SYTL3: variants seen among roughly 807,000 people sequenced by gnomAD.
SYTL3 encodes synaptotagmin like 3.
A neutral mutation model predicts 82.1 loss-of-function variants in SYTL3; 88 were observed. The ratio of observed to expected loss-of-function variants is 1.07; its 90% confidence interval spans 0.90 to 1.28. The LOEUF (loss-of-function observed/expected upper bound fraction) is 1.28. Ranked by LOEUF, SYTL3 falls within the 50% of genes most tolerant of loss-of-function variation. The probability of loss-of-function intolerance (pLI) is 0.00; values close to 1 mark genes in which losing one functional copy is unlikely to be tolerated. For missense variants in SYTL3, 831 were observed against 757.6 expected, an observed-to-expected ratio of 1.10 and a Z score of -1.14; for synonymous variants, 311 against 289.4, an observed-to-expected ratio of 1.07 and a Z score of -0.76.
intron 11 of SYTL3, among the ~76,000 whole-genome samples, chr6:158,732,203 C>T (rs551556864): frequency 1.3e-5 from 2 of 152,252 alleles, no homozygotes; most frequent in East Asian, 1.9e-4. Context: ...TTTGTCAGTC[C>T]TTAAATCCAT....
intron 5 of SYTL3, among the ~76,000 whole-genome samples, chr6:158,675,620 C>T (rs1314436551): frequency 6.6e-6 from 1 of 152,048 alleles, no homozygotes; most frequent in Non-Finnish European, 1.5e-5. Context: ...TCGAGACCAG[C>T]CTGGCTGACA....
In SYTL3 at chr6:158,725,517, A is replaced by G; in HGVS notation, c.735A>G (p.Pro245=). ...TCCTTCTCCAGAAGGTCAGTGCACC[A>G]GATATTCTGAAACCTCTCAATCAAG... ...VNVTTRKVSA[P]DILKPLNQED... The change falls in exon 11 of 18, where the codon CCA becomes CCG. Residue 245 remains proline, a synonymous_variant. Transcript: ENST00000611299. 1 of 1,614,158 alleles carries G rather than the reference A, an allele frequency of 6.2e-7. No individual in the cohort carries two copies. Among genetic ancestry groups the G allele is most frequent in the Non-Finnish European group, 8.5e-7 (1 of 1,180,026 alleles).
intron 11 of SYTL3, among the ~76,000 whole-genome samples, chr6:158,734,547 G>A (rs1048996834): frequency 2.6e-5 from 4 of 152,096 alleles, no homozygotes; most frequent in Non-Finnish European, 5.9e-5. Flanking sequence ...CCCACCTCCA[G>A]GCATTTCTGT....
chr6:158,715,432 C>T (rs1783251872), intron 9 of SYTL3, among the ~76,000 whole-genome samples: 1 of 152,050 alleles, frequency 6.6e-6, no homozygotes, highest in Non-Finnish European at 1.5e-5. Flanking sequence ...GGTGGCCACC[C>T]CAGAGCCTGG....
At chr6:158,733,962 A>G (rs1158784699) in intron 11 of SYTL3, among the ~76,000 whole-genome samples, 5 of 151,590 alleles carry the variant, frequency 3.3e-5, no homozygotes, top group African/African-American at 7.3e-5. Context: ...GCCAGGCGTG[A>G]TGGCGGGCGC....
intron 9 of SYTL3, among the ~76,000 whole-genome samples, chr6:158,717,041 G>A (rs576343900): frequency 6.6e-6 from 1 of 152,244 alleles, no homozygotes; most frequent in African/African-American, 2.4e-5. Flanking sequence ...CAGCACTTTG[G>A]GAGGCCAAGG....
chr6:158,725,707 G>C, intron 11 of SYTL3, 70 bp downstream of exon 11: 1 of 1,558,426 alleles, frequency 6.4e-7, no homozygotes, highest in African/African-American at 1.4e-5. Flanking sequence ...TAATGTACAA[G>C]TCCTTATTTC....
intron 12 of SYTL3, among the ~76,000 whole-genome samples, chr6:158,749,777 C>CG (rs1340884444): frequency 6.6e-6 from 1 of 152,136 alleles, no homozygotes; most frequent in Non-Finnish European, 1.5e-5. Flanking sequence ...CATGAGCCAC[C>CG]ACACCTGGCT....
chr6:158,677,039 A>G (rs1778119230), intron 5 of SYTL3, among the ~76,000 whole-genome samples: 1 of 152,252 alleles, frequency 6.6e-6, no homozygotes, highest in Non-Finnish European at 1.5e-5. Context: ...CATTTGACCC[A>G]GCAATCCCAT....
intron 11 of SYTL3, among the ~76,000 whole-genome samples, chr6:158,733,159 G>A (rs779736874): frequency 7.2e-5 from 11 of 152,126 alleles, no homozygotes; most frequent in Non-Finnish European, 1.6e-4. Context: ...AGAGAAATAA[G>A]TACGTTCTGT....
intron 17 of SYTL3, 34 bp downstream of exon 17, chr6:158,763,543 CTT>C: frequency 6.4e-7 from 1 of 1,574,296 alleles, no homozygotes; most frequent in Non-Finnish European, 8.7e-7. Context: ...AACGTTTATA[CTT>C]TGTGATTATC....
chr6:158,657,428 A>G (rs1265640016), intron 2 of SYTL3, among the ~76,000 whole-genome samples: 2 of 118,392 alleles, frequency 1.7e-5, no homozygotes, highest in African/African-American at 5.6e-5. Flanking sequence ...TCTGGCTCAA[A>G]AAAAAAAAAA....
chr6:158,650,493 G>A (rs985115134), intron 1 of SYTL3, among the ~76,000 whole-genome samples: 10 of 151,840 alleles, frequency 6.6e-5, no homozygotes, highest in Admixed American at 1.3e-4. Context: ...GTAATTTCTC[G>A]TTTGGAGGTG....
intron 5 of SYTL3, among the ~76,000 whole-genome samples, chr6:158,681,673 A>G (rs187169237): frequency 1.3e-5 from 2 of 152,268 alleles, no homozygotes; most frequent in East Asian, 1.9e-4. Context: ...AAAAACAACA[A>G]CAACAACAAG....
chr6:158,682,299 T>G (rs1010981114), intron 5 of SYTL3, among the ~76,000 whole-genome samples: 1 of 151,914 alleles, frequency 6.6e-6, no homozygotes, highest in Non-Finnish European at 1.5e-5. Context: ...GTTCACAAAA[T>G]ATTAAGTACT....
chr6:158,687,763 C>A (rs1486157028), intron 6 of SYTL3, among the ~76,000 whole-genome samples: 1 of 152,180 alleles, frequency 6.6e-6, no homozygotes, highest in Non-Finnish European at 1.5e-5. Flanking sequence ...CCCCCTTGGT[C>A]CATCTTCTAT....
chr6:158,703,250 C>T (rs928557287), intron 6 of SYTL3, among the ~76,000 whole-genome samples: 6 of 151,878 alleles, frequency 4.0e-5, no homozygotes, highest in African/African-American at 7.3e-5. Context: ...CTGGCAGACA[C>T]GGCTGCCAAC....
intron 6 of SYTL3, among the ~76,000 whole-genome samples, chr6:158,703,822 CATTATTATT>C (rs71761794): frequency 1.1e-4 from 14 of 129,528 alleles, no homozygotes; most frequent in South Asian, 4.6e-4. Flanking sequence ...ATATTATTAT[CATTATTATT>C]ATTATTATTA....
At chr6:158,696,359 C>T (rs1236105672) in intron 6 of SYTL3, among the ~76,000 whole-genome samples, 4 of 147,392 alleles carry the variant, frequency 2.7e-5, no homozygotes, top group Non-Finnish European at 6.0e-5. Flanking sequence ...GCCACCACGC[C>T]TAATTTTTTT....
Sources: gnomAD v4.1 joint callset for allele counts (sites outside exome capture counted in the v4.1 genomes callset) on GRCh38, gnomAD v4.1.1 for gene constraint, MANE v1.5 for transcripts, NCBI Gene and HGNC (gene_info 2026-07-23, HGNC 2026-07-21) for gene names.